The following ACSM3 variants were observed in gnomAD, a reference collection of about 807,000 sequenced individuals.
The protein encoded by ACSM3 is acyl-coenzyme A synthetase ACSM3, mitochondrial.
Under a neutral mutation model 74.1 loss-of-function variants are expected in ACSM3, and 61 were observed. The observed-to-expected ratio is 0.82, with a 90% CI of 0.67 to 1.02. The LOEUF is 1.02. Among genes scored for constraint, ACSM3 ranks in the 50% least tolerant of loss-of-function variants. ACSM3 has a pLI of 0.00. For synonymous variants in ACSM3, 213 were observed against 241.5 expected, an observed-to-expected ratio of 0.88 and a Z score of 1.09; for missense variants, 660 against 697.0, an observed-to-expected ratio of 0.95 and a Z score of 0.60.
At chr16:20,778,831 A>C (rs967527429) in intron 4 of ACSM3, among the ~76,000 whole-genome samples, 29 of 152,056 alleles carry the variant, frequency 1.9e-4, no homozygotes, top group African/African-American at 6.5e-4. Context: ...GCTCACTGCA[A>C]CCTCCACCTC....
intron 1 of ACSM3, among the ~76,000 whole-genome samples, chr16:20,690,014 C>A (rs1411285244): frequency 6.6e-6 from 1 of 152,148 alleles, no homozygotes; most frequent in African/African-American, 2.4e-5. Context: ...TGATTAAATG[C>A]AAGGTGATTG....
intron 1 of ACSM3, among the ~76,000 whole-genome samples, chr16:20,742,568 G>C (rs924893262): frequency 5.3e-5 from 8 of 151,674 alleles, no homozygotes; most frequent in Non-Finnish European, 1.2e-4. Context: ...ACTCGAACTC[G>C]GGAAGCGGCG....
In ACSM3 at chr16:20,792,288, G is replaced by A. The variant is rs779369829; in HGVS notation, c.1507G>A (p.Val503Ile). The A allele has an allele frequency of 6.2e-7, 1 of 1,614,132 alleles. No individual in the cohort carries two copies. Among genetic ancestry groups the A allele is most frequent in the Admixed American group, 1.7e-5 (1 of 60,014 alleles). Residue 503 changes from valine to isoleucine, a missense_variant, in exon 12 of 14, where the codon GTT becomes ATT. By Grantham distance (29) the Val-to-Ile change is conservative (BLOSUM62 3). Coordinates refer to ENST00000289416, the MANE Select transcript of ACSM3 (RefSeq NM_005622.4). ...AAATGCCCTGAATGAACACCCTTCA[G>A]TTGCAGAGTCAGCTGTTGTCAGCAG... ...VENALNEHPS[V>I]AESAVVSSPD...
At chr16:20,731,754 CA>C in intron 1 of ACSM3, 1 of 332,608 alleles carries the variant, frequency 3.0e-6, no homozygotes. Context: ...GTATTTTGTC[CA>C]AAAGTTAAGT....
chr16:20,788,544 T>G (rs2080524738), intron 9 of ACSM3, among the ~76,000 whole-genome samples: 1 of 152,206 alleles, frequency 6.6e-6, no homozygotes, highest in Non-Finnish European at 1.5e-5. Flanking sequence ...GGCTTCTTGT[T>G]CCTTAGCTAA....
At chr16:20,697,109 G>T (rs1022858460) in intron 1 of ACSM3, among the ~76,000 whole-genome samples, 1 of 152,014 alleles carries the variant, frequency 6.6e-6, no homozygotes, top group Non-Finnish European at 1.5e-5. Flanking sequence ...TTTTGAAACT[G>T]TCACCTGGAC....
chr16:20,715,322 C>T (rs563675233), intron 1 of ACSM3, among the ~76,000 whole-genome samples: 2 of 152,192 alleles, frequency 1.3e-5, no homozygotes, highest in East Asian at 1.9e-4. Context: ...CTTCACTGTT[C>T]GACAGTCATG....
At chr16:20,756,828 G>C (rs1216510639) in intron 3 of ACSM3, among the ~76,000 whole-genome samples, 2 of 152,144 alleles carry the variant, frequency 1.3e-5, no homozygotes, top group African/African-American at 2.4e-5. Context: ...GTAAGGAAGG[G>C]ATCCAGTTTC....
Position 20,740,794 on chromosome 16 carries a change from T to C in ACSM3, c.-189-9116T>C, listed in dbSNP as rs77249513. Among the ~76,000 whole-genome samples the C allele has an allele frequency of 9.8e-5, 15 of 152,354 alleles. 1 individual carries two copies. The East Asian group carries it at 1.7e-3, about 18-fold the overall frequency. On this transcript the variant is annotated intron_variant, in intron 1 of 3. Transcript: ENST00000561584. Reference sequence around the variant, plus strand: ...ACTTTAGGTGATATTGGTAAAAGTTTTTACGTTCTAAAATGTATTTTAAGT... The same window carrying C: ...ACTTTAGGTGATATTGGTAAAAGTTCTTACGTTCTAAAATGTATTTTAAGT...
chr16:20,779,435 A>AAAAAAG (rs1555486875), intron 4 of ACSM3, among the ~76,000 whole-genome samples: 3 of 151,514 alleles, frequency 2.0e-5, no homozygotes, highest in East Asian at 1.9e-4. Context: ...CAAAAAAAAA[A>AAAAAAG]AAAAGAAAAG....
chr16:20,763,118 CTT>C (rs2080090927), upstream of ACSM3, among the ~76,000 whole-genome samples: 1 of 152,116 alleles, frequency 6.6e-6, no homozygotes, highest in Admixed American at 6.5e-5. Flanking sequence ...TGAAAGAGTC[CTT>C]TATTTATTCA....
chr16:20,763,867 C>T (rs1226541485), upstream of ACSM3: 1 of 152,248 alleles, frequency 6.6e-6, no homozygotes, highest in East Asian at 1.9e-4. Context: ...CTTGCTGTTT[C>T]TGTAAATCAT....
At chr16:20,707,441 T>C (rs1374079239) in intron 1 of ACSM3, among the ~76,000 whole-genome samples, 2 of 152,180 alleles carry the variant, frequency 1.3e-5, no homozygotes, top group Non-Finnish European at 2.9e-5. Flanking sequence ...CCTGGGGACC[T>C]GGAGGAGTCA....
At chr16:20,682,302 A>G in intron 1 of ACSM3, 1 of 1,613,860 alleles carries the variant, frequency 6.2e-7, no homozygotes, top group Non-Finnish European at 8.5e-7. Flanking sequence ...CTGTGATCAG[A>G]CACCAGGAGC....
intron 1 of ACSM3, among the ~76,000 whole-genome samples, chr16:20,726,767 A>AT (rs2079807870): frequency 6.6e-6 from 1 of 152,246 alleles, no homozygotes; most frequent in Non-Finnish European, 1.5e-5. Flanking sequence ...GAGAGGATTA[A>AT]GAGCCACCTC....
chr16:20,740,958 A>G (rs1447607875), intron 1 of ACSM3, among the ~76,000 whole-genome samples: 19 of 152,280 alleles, frequency 1.2e-4, no homozygotes, highest in Non-Finnish European at 4.4e-5. Context: ...CTGGCCCTCA[A>G]TGAGCAATCC....
chr16:20,719,578 G>C (rs2079778409), intron 1 of ACSM3, among the ~76,000 whole-genome samples: 1 of 152,170 alleles, frequency 6.6e-6, no homozygotes, highest in Non-Finnish European at 1.5e-5. Flanking sequence ...GGAAACAACT[G>C]CAACACTCTC....
chr16:20,696,826 T>G (rs2079692294), intron 1 of ACSM3, among the ~76,000 whole-genome samples: 1 of 152,182 alleles, frequency 6.6e-6, no homozygotes, highest in Non-Finnish European at 1.5e-5. Flanking sequence ...AGCAACATAC[T>G]TACTGTGTTA....
At chr16:20,783,535 T>G (rs551189540) in intron 7 of ACSM3, 2 of 152,320 alleles carry the variant, frequency 1.3e-5, no homozygotes, top group East Asian at 3.9e-4. Context: ...GGATTTTGAA[T>G]TTTCAGATTA....
Sources: allele counts gnomAD v4.1 joint callset (sites outside exome capture counted in the v4.1 genomes callset), GRCh38; gene constraint gnomAD v4.1.1; transcripts MANE v1.5; gene names NCBI Gene and HGNC (gene_info 2026-07-23, HGNC 2026-07-21).